Variants in MGAT4C observed in about 807,000 individuals in gnomAD.
MGAT4C encodes MGAT4 family member C.
MGAT4C carries 19 observed loss-of-function variants against 40.1 expected under a neutral mutation model. The ratio of observed to expected loss-of-function variants is 0.47; its 90% confidence interval spans 0.33 to 0.70. The LOEUF is 0.70. Among genes scored for constraint, MGAT4C ranks in the 30% least tolerant of loss-of-function variants. The pLI is 0.02. For synonymous variants in MGAT4C, 181 were observed against 187.1 expected, an observed-to-expected ratio of 0.97 and a Z score of 0.27; for missense variants, 491 against 563.2, an observed-to-expected ratio of 0.87 and a Z score of 1.30.
intron 2 of MGAT4C, among the ~76,000 whole-genome samples, chr12:86,623,067 A>G (rs1593053123): frequency 6.6e-6 from 1 of 152,290 alleles, no homozygotes; most frequent in East Asian, 1.9e-4. Flanking sequence ...TCATAGAAAC[A>G]AAAGTTATGA....
chr12:86,823,276 C>A (rs1184370077), intron 1 of MGAT4C, among the ~76,000 whole-genome samples: 1 of 150,086 alleles, frequency 6.7e-6, no homozygotes, highest in Non-Finnish European at 1.5e-5. Flanking sequence ...AACAAAGATT[C>A]AAACAGAAAT....
At chr12:86,135,544 G>T (rs1341649874) in intron 1 of MGAT4C, among the ~76,000 whole-genome samples, 1 of 152,002 alleles carries the variant, frequency 6.6e-6, no homozygotes, top group Non-Finnish European at 1.5e-5. Context: ...AAGTAAGGGG[G>T]GGCAGACAAG....
chr12:86,781,845 G>C (rs1057044177), intron 1 of MGAT4C, among the ~76,000 whole-genome samples: 1 of 152,004 alleles, frequency 6.6e-6, no homozygotes. Context: ...AAGTTGTGTA[G>C]GTTTGTATAG....
At chr12:86,240,737 T>G (rs903512884) in intron 1 of MGAT4C, among the ~76,000 whole-genome samples, 1 of 152,130 alleles carries the variant, frequency 6.6e-6, no homozygotes, top group Non-Finnish European at 1.5e-5. Flanking sequence ...TTTTATTGCC[T>G]AGAATAACTC....
At chr12:86,778,371 C>T (rs1159154911) in intron 1 of MGAT4C, among the ~76,000 whole-genome samples, 1 of 152,126 alleles carries the variant, frequency 6.6e-6, no homozygotes, top group Non-Finnish European at 1.5e-5. Flanking sequence ...CTACAAAAGA[C>T]ACACAAGTAC....
chr12:86,682,485 G>T (rs930692334), intron 2 of MGAT4C, among the ~76,000 whole-genome samples: 1 of 151,820 alleles, frequency 6.6e-6, no homozygotes, highest in Non-Finnish European at 1.5e-5. Flanking sequence ...ATGTAGTCTT[G>T]ATCCTTTGCA....
chr12:86,407,783 C>T (rs551260376), intron 3 of MGAT4C, among the ~76,000 whole-genome samples: 1 of 152,026 alleles, frequency 6.6e-6, no homozygotes, highest in East Asian at 1.9e-4. Flanking sequence ...AACGTTTTTT[C>T]AAGAAGATGA....
intron 2 of MGAT4C, among the ~76,000 whole-genome samples, chr12:86,027,430 T>C (rs936452437): frequency 8.5e-5 from 13 of 152,062 alleles, no homozygotes; most frequent in South Asian, 4.1e-4. Context: ...ATATTGAATG[T>C]TTAATTACTT....
At chr12:86,359,863 A>G (rs1955416509) in intron 3 of MGAT4C, among the ~76,000 whole-genome samples, 1 of 152,188 alleles carries the variant, frequency 6.6e-6, no homozygotes, top group Non-Finnish European at 1.5e-5. Context: ...AAAAACGTCC[A>G]GGACCAGATG....
intron 2 of MGAT4C, among the ~76,000 whole-genome samples, chr12:86,492,527 G>C (rs1020121933): frequency 6.6e-6 from 1 of 152,068 alleles, no homozygotes; most frequent in African/African-American, 2.4e-5. Context: ...ACAAACCTGA[G>C]AAAAACAAGC....
chr12:86,705,680 T>C (rs939450067), intron 2 of MGAT4C, among the ~76,000 whole-genome samples: 5 of 152,096 alleles, frequency 3.3e-5, no homozygotes, highest in African/African-American at 1.2e-4. Flanking sequence ...TTTGGGAGAC[T>C]CTAGGAAAGA....
chr12:86,616,736 AAC>A (rs1962462361), intron 2 of MGAT4C, among the ~76,000 whole-genome samples: 1 of 152,040 alleles, frequency 6.6e-6, no homozygotes, highest in South Asian at 2.1e-4. Flanking sequence ...GTTCAACGAA[AAC>A]AGTTTTCTCT....
chr12:86,820,576 T>A (rs1397461830), intron 1 of MGAT4C, among the ~76,000 whole-genome samples: 2 of 150,820 alleles, frequency 1.3e-5, no homozygotes, highest in Non-Finnish European at 3.0e-5. Flanking sequence ...GCCCTAATAA[T>A]CATGATCAAT....
At position 86,603,526 on chromosome 12, in the gene MGAT4C, T is replaced by TATATAG. The variant is rs1961890248; in HGVS notation, c.-229+123682_-229+123683insCTATAT. Among the ~76,000 whole-genome samples the TATATAG allele has an allele frequency of 9.0e-5, 2 of 22,314 alleles. 1 individual carries two copies. Among genetic ancestry groups the TATATAG allele is most frequent in the African/African-American group, 1.7e-4 (2 of 11,772 alleles). 14.6% of individuals were successfully genotyped at this position (22,314 alleles called of 152,430 possible). A position where few individuals can be genotyped will look rare whatever the true frequency, so the allele number is the denominator to read the frequency against. ...TATATATAGTCTATAGTCTATAGAC[T>TATATAG]ATATATAGTCTATAGACTATAGATA... is the stretch of plus-strand genomic sequence containing the variant. On this transcript the variant is annotated intron_variant, in intron 2 of 7. Transcript: ENST00000548651.
chr12:86,020,301 C>T (rs1482176030), intron 2 of MGAT4C, among the ~76,000 whole-genome samples: 1 of 152,034 alleles, frequency 6.6e-6, no homozygotes, highest in Non-Finnish European at 1.5e-5. Flanking sequence ...CAGTTTTTGC[C>T]CATTCAATAT....
intron 1 of MGAT4C, among the ~76,000 whole-genome samples, chr12:86,748,973 C>T (rs546506150): frequency 1.4e-4 from 21 of 149,196 alleles, no homozygotes; most frequent in African/African-American, 4.9e-4. Context: ...TACATCCAAG[C>T]TTATTTAAAA....
intron 1 of MGAT4C, among the ~76,000 whole-genome samples, chr12:86,214,786 T>G (rs543873413): frequency 1.7e-4 from 26 of 152,308 alleles, no homozygotes; most frequent in African/African-American, 6.3e-4. Flanking sequence ...GACAAAAATA[T>G]TTAGTCCATG....
chr12:86,837,561 T>C (rs1359448550), intron 1 of MGAT4C, among the ~76,000 whole-genome samples: 2 of 152,056 alleles, frequency 1.3e-5, no homozygotes, highest in Non-Finnish European at 2.9e-5. Flanking sequence ...AGGTACACCA[T>C]GCTCCAGGTC....
At chr12:86,587,935 T>C (rs2136443540) in intron 2 of MGAT4C, among the ~76,000 whole-genome samples, 1 of 152,076 alleles carries the variant, frequency 6.6e-6, no homozygotes, top group East Asian at 1.9e-4. Flanking sequence ...TTGAATACCC[T>C]TTATTTCCTT....
Sources: gnomAD v4.1 joint callset for allele counts (sites outside exome capture counted in the v4.1 genomes callset) on GRCh38, gnomAD v4.1.1 for gene constraint, MANE v1.5 for transcripts, NCBI Gene and HGNC (gene_info 2026-07-23, HGNC 2026-07-21) for gene names.